The following LINGO2 variants were observed in gnomAD, a reference collection of about 807,000 sequenced individuals.
The protein encoded by LINGO2 is leucine rich repeat and Ig domain containing 2.
LINGO2 carries 14 observed loss-of-function variants against 30.6 expected under a neutral mutation model. The ratio of observed to expected loss-of-function variants is 0.46; its 90% CI spans 0.30 to 0.72. The LOEUF is 0.72. LINGO2 is among the 30% of genes least tolerant of loss of function. LINGO2 has a pLI of 0.07. For missense variants in LINGO2, 729 were observed against 751.7 expected, an observed-to-expected ratio of 0.97 and a Z score of 0.35; for synonymous variants, 317 against 288.5, an observed-to-expected ratio of 1.10 and a Z score of -1.00.
chr9:28,795,454 TG>T, the LINGO2 span, among the ~76,000 whole-genome samples: 2 of 152,058 alleles, frequency 1.3e-5, no homozygotes, highest in African/African-American at 4.8e-5. Context: ...AATTATTACA[TG>T]CCTGAAGGGG....
chr9:28,042,033 A>G (rs180885659), intron 4 of LINGO2, among the ~76,000 whole-genome samples: 20 of 152,308 alleles, frequency 1.3e-4, no homozygotes, highest in Non-Finnish European at 2.4e-4. Context: ...CTAGATTTTC[A>G]GTTTCATCAT....
At chr9:28,525,473 T>C (rs1476185012) in intron 1 of LINGO2, among the ~76,000 whole-genome samples, 1 of 152,192 alleles carries the variant, frequency 6.6e-6, no homozygotes, top group Non-Finnish European at 1.5e-5. Context: ...AATGGAATAT[T>C]ATGCCACAAT....
intron 2 of LINGO2, among the ~76,000 whole-genome samples, chr9:28,401,497 T>C (rs550805112): frequency 1.2e-4 from 19 of 152,312 alleles, no homozygotes; most frequent in African/African-American, 4.1e-4. Context: ...GAGTATTCCA[T>C]GGTATATATG....
chr9:28,238,118 C>T (rs920402552), intron 4 of LINGO2, among the ~76,000 whole-genome samples: 3 of 151,350 alleles, frequency 2.0e-5, no homozygotes, highest in Non-Finnish European at 4.4e-5. Context: ...CACTGCAGCA[C>T]CCAGATATAT....
the LINGO2 span, among the ~76,000 whole-genome samples, chr9:28,993,910 C>A: frequency 6.6e-6 from 1 of 151,976 alleles, no homozygotes; most frequent in Non-Finnish European, 1.5e-5. Context: ...CAGCCAATAT[C>A]ATACTGAATG....
At chr9:28,311,798 C>T (rs1288525790) in intron 3 of LINGO2, among the ~76,000 whole-genome samples, 1 of 152,056 alleles carries the variant, frequency 6.6e-6, no homozygotes, top group Non-Finnish European at 1.5e-5. Context: ...ACATACATCC[C>T]CCTTAGCTTA....
At chr9:29,028,460 CAGAGAG>C in the LINGO2 span, among the ~76,000 whole-genome samples, 2 of 146,722 alleles carry the variant, frequency 1.4e-5, no homozygotes, top group African/African-American at 2.6e-5. Context: ...CAGAGAGAGA[CAGAGAG>C]AGAGAGAGAA....
chr9:29,114,116 T>C, the LINGO2 span, among the ~76,000 whole-genome samples: 1 of 143,936 alleles, frequency 6.9e-6, no homozygotes, highest in South Asian at 2.1e-4. Context: ...TCTGACTTTT[T>C]TGGTTCCTAA....
chr9:28,668,576 T>C (rs189555294), intron 1 of LINGO2, among the ~76,000 whole-genome samples: 1 of 152,108 alleles, frequency 6.6e-6, no homozygotes, highest in African/African-American at 2.4e-5. Context: ...CTATACGCTC[T>C]GAAAGTACAT....
the LINGO2 span, among the ~76,000 whole-genome samples, chr9:28,998,382 T>C: frequency 5.3e-5 from 8 of 152,186 alleles, no homozygotes; most frequent in Non-Finnish European, 1.2e-4. Context: ...AATGCCATGT[T>C]TGCTTTAATT....
chr9:28,381,202 A>C (rs1228815823), intron 2 of LINGO2, among the ~76,000 whole-genome samples: 3 of 149,990 alleles, frequency 2.0e-5, no homozygotes, highest in Non-Finnish European at 4.4e-5. Flanking sequence ...AGAACAGAGC[A>C]AAAAAAACAA....
intron 1 of LINGO2, among the ~76,000 whole-genome samples, chr9:28,636,192 A>T (rs1335290398): frequency 6.6e-6 from 1 of 152,272 alleles, no homozygotes; most frequent in South Asian, 2.1e-4. Flanking sequence ...CATGGTGTAT[A>T]TATGCCACAT....
chr9:28,451,879 A>G (rs947567756), intron 2 of LINGO2, among the ~76,000 whole-genome samples: 20 of 151,862 alleles, frequency 1.3e-4, no homozygotes, highest in African/African-American at 4.1e-4. Flanking sequence ...ATAATGATCA[A>G]CATGAAGTAA....
chr9:29,132,683 G>A, the LINGO2 span, among the ~76,000 whole-genome samples: 8 of 152,054 alleles, frequency 5.3e-5, no homozygotes, highest in Admixed American at 2.0e-4. Context: ...CTTTGTTTGT[G>A]CATTTTGTCC....
intron 4 of LINGO2, among the ~76,000 whole-genome samples, chr9:28,183,375 A>G (rs866809240): frequency 7.2e-5 from 11 of 152,240 alleles, no homozygotes; most frequent in South Asian, 2.1e-4. Context: ...TGGCACAGGT[A>G]CACCTATGTA....
intron 4 of LINGO2, among the ~76,000 whole-genome samples, chr9:28,029,191 A>AT (rs1341077480): frequency 6.6e-6 from 1 of 152,040 alleles, no homozygotes; most frequent in African/African-American, 2.4e-5. Context: ...TGATAAGACA[A>AT]TTTTTCATCT....
downstream of LINGO2, among the ~76,000 whole-genome samples, chr9:27,946,829 A>G (rs1235264969): frequency 6.6e-6 from 1 of 152,118 alleles, no homozygotes; most frequent in African/African-American, 2.4e-5. Flanking sequence ...CAATTCTTCA[A>G]TCTTTCATCA....
intron 4 of LINGO2, among the ~76,000 whole-genome samples, chr9:28,146,258 C>T (rs528097564): frequency 6.6e-5 from 10 of 152,192 alleles, no homozygotes; most frequent in Non-Finnish European, 1.2e-4. Flanking sequence ...TTTTTGCTGT[C>T]CCTGGGCCCT....
At chr9:29,080,572 T>C in the LINGO2 span, among the ~76,000 whole-genome samples, 1 of 152,202 alleles carries the variant, frequency 6.6e-6, no homozygotes, top group Non-Finnish European at 1.5e-5. Flanking sequence ...CTTTCTCTTG[T>C]GGGCATTTAG....
Sources: gnomAD v4.1 joint callset for allele counts (sites outside exome capture counted in the v4.1 genomes callset) on GRCh38, gnomAD v4.1.1 for gene constraint, MANE v1.5 for transcripts, NCBI Gene and HGNC (gene_info 2026-07-23, HGNC 2026-07-21) for gene names.